The following SLC7A8 variants were observed in gnomAD, a reference collection of about 807,000 sequenced individuals.
The protein encoded by SLC7A8 is solute carrier family 7 member 8.
Under a neutral mutation model 51.2 loss-of-function variants are expected in SLC7A8, and 30 were observed. The observed-to-expected ratio is 0.59, with a 90% CI of 0.44 to 0.80. The LOEUF (loss-of-function observed/expected upper bound fraction) is 0.80. Ranked by LOEUF, SLC7A8 falls within the 30% of genes least tolerant of loss-of-function variation. The pLI, the probability that SLC7A8 is intolerant of heterozygous loss-of-function variation, is 0.00. For missense variants in SLC7A8, 612 were observed against 674.4 expected, an observed-to-expected ratio of 0.91 and a Z score of 1.03; for synonymous variants, 257 against 275.8, an observed-to-expected ratio of 0.93 and a Z score of 0.67.
At chr14:23,169,245 A>C (rs919210063) in intron 1 of SLC7A8, among the ~76,000 whole-genome samples, 1 of 152,114 alleles carries the variant, frequency 6.6e-6, no homozygotes, top group African/African-American at 2.4e-5. Flanking sequence ...ATAGTCCCAG[A>C]TACTAGAGAG....
At chr14:23,161,586 T>TGGTGGGGGTAGGCG (rs2048922657) in intron 3 of SLC7A8, among the ~76,000 whole-genome samples, 1 of 38,612 alleles carries the variant, frequency 2.6e-5, no homozygotes, top group Non-Finnish European at 6.3e-5. Context: ...GGCTGGATGA[T>TGGTGGGGGTAGGCG]GGTGGGGGTA....
Position 23,140,612 on chromosome 14 carries a change from CAGA to C in SLC7A8, c.644_646del (p.Phe215del), listed in dbSNP as rs778379823. ...CTCAAATGCATTCTTTGGCTCCAGC[CAGA>C]AGTACTCTCCTGTGGACACAAGCAA... On this transcript the variant is annotated inframe_deletion, in exon 5 of 11. Coordinates refer to ENST00000316902, the MANE Select transcript of SLC7A8 (RefSeq NM_012244.4). The C allele has an allele frequency of 1.9e-6, 3 of 1,613,838 alleles. No homozygotes were observed. The East Asian group carries it at 6.7e-5, about 36-fold the overall frequency.
chr14:23,139,052 T>C (rs2048717227), intron 6 of SLC7A8, among the ~76,000 whole-genome samples: 1 of 152,208 alleles, frequency 6.6e-6, no homozygotes, highest in Non-Finnish European at 1.5e-5. Flanking sequence ...AGATTATGTC[T>C]TTCTGAGGAG....
In SLC7A8 at chr14:23,127,425, T is replaced by C. The variant is rs2048588740; in HGVS notation, c.1442-82A>G. On this transcript the variant is annotated intron_variant, in intron 10 of 10. Transcript: ENST00000316902. ...CCAAGTGGCCCCGGCCCTTCCTGGC[T>C]CTCCTGCTCCAGGTTCTGCCTCTTC... 4.0e-6 allele frequency: 6 copies of C among 1,518,116 alleles called. No individual in the cohort carries two copies. In the African/African-American group the frequency reaches 5.5e-5, roughly 14 times the overall value. The allele number at this position is 1,518,116 out of a possible 1,614,324, so 94.0% of individuals were successfully genotyped here.
intron 3 of SLC7A8, chr14:23,155,289 G>C: frequency 4.6e-6 from 7 of 1,536,076 alleles, no homozygotes; most frequent in Non-Finnish European, 6.1e-6. Context: ...TGTGAGGGCT[G>C]TGAGTGCTCC....
In SLC7A8 at chr14:23,165,367, G is replaced by A; in HGVS notation, c.426C>T (p.Phe142=). The change falls in exon 3 of 11, where the codon TTC becomes TTT. Residue 142 remains phenylalanine (F), a synonymous_variant. Transcript: ENST00000316902. The surrounding 1 kb of genome is among the most constrained non-coding windows in gnomAD (Gnocchi z 4.2). ...PTNQAVIALT[F]SNYVLQPLFP... ...AGAGCGGCTGCAGCACGTAGTTGGAGAAGGTGAGGGCGATGACAGCCTGGT... is the reference window on the plus strand; with the variant it reads ...AGAGCGGCTGCAGCACGTAGTTGGAAAAGGTGAGGGCGATGACAGCCTGGT... 1.2e-6 allele frequency: 2 copies of A among 1,604,138 alleles called. No homozygotes were observed. The highest frequency in any genetic ancestry group is 1.7e-6 in the Non-Finnish European group (2 of 1,176,850).
chr14:23,164,456 T>C (rs1482202464), intron 3 of SLC7A8, among the ~76,000 whole-genome samples: 4 of 152,224 alleles, frequency 2.6e-5, no homozygotes, highest in Non-Finnish European at 5.9e-5. Flanking sequence ...TGTTTCCTTA[T>C]CTGTTCTGGG....
In SLC7A8 at chr14:23,128,687, T is replaced by C. The variant is rs1468131836; in HGVS notation, c.1264-491A>G. 6.6e-6 allele frequency among the ~76,000 whole-genome samples: 1 copy of C among 152,222 alleles called. No individual in the cohort carries two copies. Among genetic ancestry groups the C allele is most frequent in the Admixed American group, 6.5e-5 (1 of 15,286 alleles). ...GCAGGGCCCTTATGTGGGCACAATA[T>C]GGCAAATGTCAGCTCCTTATGGGCC... On this transcript the variant is annotated intron_variant, in intron 9 of 10. Coordinates refer to ENST00000316902, the MANE Select transcript of SLC7A8 (RefSeq NM_012244.4). This position sits in a 1 kb window ranked among gnomAD's most constrained non-coding sequence, Gnocchi z 4.3.
chr14:23,145,760 AG>A (rs1255460828), intron 3 of SLC7A8, among the ~76,000 whole-genome samples: 1 of 152,130 alleles, frequency 6.6e-6, no homozygotes, highest in Non-Finnish European at 1.5e-5. Flanking sequence ...CCCCATCAAA[AG>A]GAGACACAAT....
Position 23,127,034 on chromosome 14 carries a change from T to TTA in SLC7A8, c.*142_*143insTA. On this transcript the variant is annotated 3_prime_UTR_variant, in exon 11 of 11. Coordinates refer to ENST00000316902, the MANE Select transcript of SLC7A8 (RefSeq NM_012244.4). ...AATGTCAGTTTTTGTTTACAATTTCTCACCACCCACACCAAAGTCCTACCA... is the reference window on the plus strand; with the variant it reads ...AATGTCAGTTTTTGTTTACAATTTCTTACACCACCCACACCAAAGTCCTACCA... 1 of 1,014,884 alleles carries TTA rather than the reference T, an allele frequency of 9.9e-7. No homozygotes were observed. The highest frequency in any genetic ancestry group is 1.6e-5 in the South Asian group (1 of 62,612). The allele number at this position is 1,014,884 out of a possible 1,614,324, so 62.9% of individuals were successfully genotyped here. A position where few individuals can be genotyped will look rare whatever the true frequency, so the allele number is the denominator to read the frequency against.
At chr14:23,158,306 G>T (rs1011501151) in intron 3 of SLC7A8, among the ~76,000 whole-genome samples, 1 of 152,212 alleles carries the variant, frequency 6.6e-6, no homozygotes, top group Non-Finnish European at 1.5e-5. Flanking sequence ...CCTGGGGAAG[G>T]TTCTAACCAG....
intron 3 of SLC7A8, among the ~76,000 whole-genome samples, chr14:23,144,596 T>C (rs766747999): frequency 1.3e-5 from 2 of 152,190 alleles, no homozygotes; most frequent in African/African-American, 2.4e-5. Context: ...TATTCTTATA[T>C]GGTACTTCTA....
intron 1 of SLC7A8, among the ~76,000 whole-genome samples, chr14:23,180,261 T>C (rs1877116700): frequency 2.0e-5 from 3 of 148,448 alleles, no homozygotes; most frequent in Admixed American, 2.0e-4. Context: ...GGACACCAGA[T>C]CCCTGAAATC....
At position 23,183,095 on chromosome 14, in the gene SLC7A8, C is replaced by A. The variant is rs2140345602; in HGVS notation, c.-181G>T. The A allele has an allele frequency of 7.7e-6, 2 of 260,510 alleles. No individual in the cohort carries two copies. Among genetic ancestry groups the A allele is most frequent in the Admixed American group, 5.6e-5 (1 of 17,890 alleles). The allele number at this position is 260,510 out of a possible 1,614,324, so 16.1% of individuals were successfully genotyped here. A position where few individuals can be genotyped will look rare whatever the true frequency, so the allele number is the denominator to read the frequency against. On this transcript the variant is annotated 5_prime_UTR_variant, in exon 1 of 11. Coordinates refer to ENST00000316902, the MANE Select transcript of SLC7A8 (RefSeq NM_012244.4). ...GAAAAATATTCCTACTCCGCATTCA[C>A]ACTTTCTGGTCACTCGCGTTTACAA...
At position 23,176,171 on chromosome 14, in the gene SLC7A8, T is replaced by C. The variant is rs138632814; in HGVS notation, c.151+6593A>G. On this transcript the variant is annotated intron_variant, in intron 1 of 10. Coordinates refer to ENST00000316902, the MANE Select transcript of SLC7A8 (RefSeq NM_012244.4). ...GGGATTAGAAGCTAATACATCATAT[T>C]AGAGACTAAAATGCAAAATCTTCTA... 2.6e-3 allele frequency among the ~76,000 whole-genome samples: 397 copies of C among 152,360 alleles called. 2 individuals carry two copies. Among genetic ancestry groups the C allele is most frequent in the African/African-American group, 8.7e-3 (360 of 41,580 alleles).
intron 3 of SLC7A8, chr14:23,155,438 G>A: frequency 7.0e-7 from 1 of 1,435,004 alleles, no homozygotes; most frequent in Non-Finnish European, 9.1e-7. Context: ...GCTGGAGCTG[G>A]GGTTTCTGCT....
chr14:23,138,188 CA>C, intron 6 of SLC7A8, 164 bp from the exon 7 acceptor site: 2 of 772,794 alleles, frequency 2.6e-6, no homozygotes, highest in Non-Finnish European at 4.1e-6. Flanking sequence ...GACCCCTACA[CA>C]GGGTGGTTAA....
chr14:23,165,711 G>A lies in SLC7A8; in HGVS notation c.357-275C>T, dbSNP rs1288259390. On this transcript the variant is annotated intron_variant, in intron 2 of 10. Coordinates refer to ENST00000316902, the MANE Select transcript of SLC7A8 (RefSeq NM_012244.4). The surrounding 1 kb of genome is among the most constrained non-coding windows in gnomAD (Gnocchi z 4.2). ...CTCTTCTCCATCACTGTGGCCACCA[G>A]CATCCAATGGTGGAAAAACAAAATT... Among the ~76,000 whole-genome samples, 2 of 152,100 alleles carry A rather than the reference G, an allele frequency of 1.3e-5. No homozygotes were observed. Among genetic ancestry groups the A allele is most frequent in the South Asian group, 2.1e-4 (1 of 4,828 alleles).
At chr14:23,142,945 GAAGAA>G in intron 4 of SLC7A8, 129 bp downstream of exon 4, 1 of 1,179,174 alleles carries the variant, frequency 8.5e-7, no homozygotes. Flanking sequence ...AGCAAGGGAA[GAAGAA>G]GAGAAGTCAC....
Sources: allele counts gnomAD v4.1 joint callset (sites outside exome capture counted in the v4.1 genomes callset), GRCh38; gene constraint gnomAD v4.1.1; non-coding constraint Gnocchi (gnomAD v3.1); transcripts MANE v1.5; gene names NCBI Gene and HGNC (gene_info 2026-07-23, HGNC 2026-07-21).